FUT9: variants seen among roughly 807,000 people sequenced by gnomAD.
FUT9 encodes the protein 4-galactosyl-N-acetylglucosaminide 3-alpha-L-fucosyltransferase 9.
Under a neutral mutation model 29.7 loss-of-function variants are expected in FUT9, and 15 were observed. That is an observed-to-expected ratio of 0.51 (90% CI 0.34 to 0.78). FUT9 has a LOEUF of 0.78. Among genes scored for constraint, FUT9 ranks in the 30% least tolerant of loss-of-function variants. The probability of loss-of-function intolerance (pLI) is 0.01; values close to 1 mark genes in which losing one functional copy is unlikely to be tolerated. For synonymous variants in FUT9, 169 were observed against 153.7 expected (o/e 1.10, Z -0.74); for missense variants, 319 against 425.4 (o/e 0.75, Z 2.20).
chr6:96,096,942 T>A (rs55840527), intron 1 of FUT9, among the ~76,000 whole-genome samples: 2 of 151,934 alleles, frequency 1.3e-5, no homozygotes, highest in African/African-American at 2.4e-5. Context: ...ACTGAATATC[T>A]CTGGTGTTAG....
chr6:96,192,964 A>G (rs1348692743), intron 2 of FUT9, among the ~76,000 whole-genome samples: 1 of 152,108 alleles, frequency 6.6e-6, no homozygotes, highest in African/African-American at 2.4e-5. Flanking sequence ...AGGATTCCCT[A>G]TTTAATAAAT....
chr6:96,100,884 A>G (rs1771575480), intron 1 of FUT9, among the ~76,000 whole-genome samples: 1 of 152,212 alleles, frequency 6.6e-6, no homozygotes, highest in Non-Finnish European at 1.5e-5. Context: ...GTGACAATGT[A>G]TTAAAAGGAA....
chr6:96,171,838 C>T (rs74676970), intron 2 of FUT9, among the ~76,000 whole-genome samples: 1 of 152,082 alleles, frequency 6.6e-6, no homozygotes, highest in Non-Finnish European at 1.5e-5. Context: ...AGTCAAGTGT[C>T]CTGAAACACC....
At chr6:96,021,898 C>T (rs981431485) in intron 1 of FUT9, among the ~76,000 whole-genome samples, 3 of 151,934 alleles carry the variant, frequency 2.0e-5, no homozygotes, top group African/African-American at 4.8e-5. Context: ...GAATAGCTTA[C>T]GCCCATGAAG....
intron 2 of FUT9, among the ~76,000 whole-genome samples, chr6:96,188,430 G>A (rs1773443650): frequency 6.6e-6 from 1 of 151,992 alleles, no homozygotes; most frequent in Admixed American, 6.6e-5. Flanking sequence ...CCAAAGTGCT[G>A]GGATTACAGG....
chr6:96,170,294 C>T (rs1405316781), intron 2 of FUT9, among the ~76,000 whole-genome samples: 1 of 151,896 alleles, frequency 6.6e-6, no homozygotes, highest in Non-Finnish European at 1.5e-5. Context: ...TATTGTGATC[C>T]TTAGAGTTAA....
At chr6:96,073,863 A>G (rs942566043) in intron 1 of FUT9, among the ~76,000 whole-genome samples, 1 of 152,218 alleles carries the variant, frequency 6.6e-6, no homozygotes, top group African/African-American at 2.4e-5. Flanking sequence ...CTGTGGAATG[A>G]AGAAAGACTC....
At chr6:96,067,438 A>G (rs752695260) in intron 1 of FUT9, among the ~76,000 whole-genome samples, 92 of 152,266 alleles carry the variant, frequency 6.0e-4, no homozygotes, top group Non-Finnish European at 1.0e-3. Context: ...AGTGCTTTAA[A>G]CATAGGAATG....
chr6:96,092,204 G>A (rs1016887255), intron 1 of FUT9, among the ~76,000 whole-genome samples: 6 of 151,838 alleles, frequency 4.0e-5, no homozygotes, highest in Admixed American at 1.3e-4. Context: ...TGACAATATC[G>A]ATCTAAACAG....
chr6:96,091,276 T>C (rs1771407587), intron 1 of FUT9, among the ~76,000 whole-genome samples: 1 of 152,124 alleles, frequency 6.6e-6, no homozygotes, highest in South Asian at 2.1e-4. Context: ...ATGAGAAGGT[T>C]AAATACTGAA....
intron 1 of FUT9, among the ~76,000 whole-genome samples, chr6:96,073,071 G>C (rs1582210952): frequency 6.6e-6 from 1 of 152,112 alleles, no homozygotes; most frequent in African/African-American, 2.4e-5. Flanking sequence ...TGTGAGCACA[G>C]GGAACACCAC....
chr6:96,075,617 G>A (rs1771131538), intron 1 of FUT9, among the ~76,000 whole-genome samples: 1 of 151,922 alleles, frequency 6.6e-6, no homozygotes, highest in Non-Finnish European at 1.5e-5. Flanking sequence ...AAATTATACG[G>A]ACTTGGATCT....
chr6:96,205,003 TACTGATGAC>T lies in FUT9; in HGVS notation c.*772_*780del, dbSNP rs537173242. On this transcript the variant is annotated 3_prime_UTR_variant, in exon 3 of 3. Transcript: ENST00000302103. ...GAAAATCTAAGACAGTTCTTTCTGC[TACTGATGAC>T]ACTCATTGTCATAATAAAACAAATA... 663 of 164,504 alleles carry T rather than the reference TACTGATGAC, an allele frequency of 4.0e-3. 5 individuals carry two copies. Among genetic ancestry groups the T allele is most frequent in the African/African-American group, 0.015 (640 of 41,554 alleles). The allele number at this position is 164,504 out of a possible 1,614,324, so 10.2% of individuals were successfully genotyped here. A position where few individuals can be genotyped will look rare whatever the true frequency, so the allele number is the denominator to read the frequency against.
chr6:96,112,228 C>T (rs145440067), intron 1 of FUT9, among the ~76,000 whole-genome samples: 154 of 152,208 alleles, frequency 1.0e-3, no homozygotes, highest in African/African-American at 3.5e-3. Flanking sequence ...GTTATCAGAA[C>T]CTTTTAAAAT....
chr6:96,043,772 A>G (rs1372834509), intron 1 of FUT9, among the ~76,000 whole-genome samples: 2 of 152,182 alleles, frequency 1.3e-5, no homozygotes, highest in East Asian at 3.8e-4. Context: ...ACCATCTCCA[A>G]GGTGCCTCCT....
intron 2 of FUT9, among the ~76,000 whole-genome samples, chr6:96,164,468 C>A (rs538643330): frequency 6.6e-6 from 1 of 152,168 alleles, no homozygotes; most frequent in African/African-American, 2.4e-5. Flanking sequence ...CCGTGTTAGC[C>A]AGGATGGTCT....
At chr6:96,197,276 T>G (rs1773643527) in intron 2 of FUT9, among the ~76,000 whole-genome samples, 3 of 152,194 alleles carry the variant, frequency 2.0e-5, no homozygotes, top group African/African-American at 7.2e-5. Context: ...GGAAAAGTGC[T>G]GGTGATCAAA....
At chr6:96,116,591 A>G (rs192429218) in intron 2 of FUT9, among the ~76,000 whole-genome samples, 1 of 152,376 alleles carries the variant, frequency 6.6e-6, no homozygotes, top group African/African-American at 2.4e-5. Flanking sequence ...AAAGGGGAAT[A>G]CTATTCAAAT....
At chr6:96,111,491 G>A (rs1771805210) in intron 1 of FUT9, among the ~76,000 whole-genome samples, 1 of 151,550 alleles carries the variant, frequency 6.6e-6, no homozygotes, top group Non-Finnish European at 1.5e-5. Flanking sequence ...TTACTTAAGT[G>A]TGATTTATTC....
Sources: gnomAD v4.1 joint callset for allele counts (sites outside exome capture counted in the v4.1 genomes callset) on GRCh38, gnomAD v4.1.1 for gene constraint, MANE v1.5 for transcripts, NCBI Gene and HGNC (gene_info 2026-07-23, HGNC 2026-07-21) for gene names.